Variants in CUBN observed in about 807,000 individuals in gnomAD.
CUBN encodes the protein cubilin.
Under a neutral mutation model 405.3 loss-of-function variants are expected in CUBN, and 282 were observed. The ratio of observed to expected loss-of-function variants is 0.70; its 90% CI spans 0.63 to 0.77. The LOEUF (loss-of-function observed/expected upper bound fraction) is 0.77. CUBN is among the 30% of genes least tolerant of loss of function. The probability of loss-of-function intolerance (pLI) is 0.00; values close to 1 mark genes in which losing one functional copy is unlikely to be tolerated. For synonymous variants in CUBN, 1,684 were observed against 1,617.0 expected (o/e 1.04, Z -0.99); for missense variants, 4,514 against 4,475.2 (o/e 1.01, Z -0.25).
Position 16,890,486 on chromosome 10 carries a change from G to A in CUBN, c.8640C>T (p.Ala2880=), listed in dbSNP as rs750157777. The change falls in exon 55 of 67, where the codon GCC becomes GCT. Residue 2880 remains alanine (A), a synonymous_variant. Coordinates refer to ENST00000377833, the MANE Select transcript of CUBN (RefSeq NM_001081.4). The part of the protein sequence containing the change: ...GTEEVDKALL[A]TGCGNVAPGP... Reference sequence around the variant, plus strand: ...CCGGAGCCACGTTCCCACAGCCAGTGGCTAGCAGGGCTTTGTCCACCTCCT... The same window carrying A: ...CCGGAGCCACGTTCCCACAGCCAGTAGCTAGCAGGGCTTTGTCCACCTCCT... 6.2e-7 allele frequency: 1 copy of A among 1,614,140 alleles called. No homozygotes were observed. The highest frequency in any genetic ancestry group is 8.5e-7 in the Non-Finnish European group (1 of 1,180,010).
chr10:17,024,187 A>G (rs1158975741), intron 27 of CUBN, among the ~76,000 whole-genome samples: 4 of 152,306 alleles, frequency 2.6e-5, no homozygotes, highest in Admixed American at 6.5e-5. Flanking sequence ...ACCCATAACA[A>G]AGGGGAGGAT....
chr10:16,996,233 A>G (rs997907279), intron 28 of CUBN, among the ~76,000 whole-genome samples: 2 of 152,246 alleles, frequency 1.3e-5, no homozygotes, highest in African/African-American at 4.8e-5. Flanking sequence ...ATCATTAGAC[A>G]TCAGCTGAAC....
chr10:16,941,796 C>G (rs1842658540), intron 36 of CUBN, among the ~76,000 whole-genome samples: 1 of 152,006 alleles, frequency 6.6e-6, no homozygotes, highest in African/African-American at 2.4e-5. Context: ...GAGGGGTGAT[C>G]GTGCCACTCA....
At chr10:16,898,845 A>G in intron 54 of CUBN, 151 bp downstream of exon 54, 1 of 678,418 alleles carries the variant, frequency 1.5e-6, no homozygotes, top group Non-Finnish European at 2.7e-6. Flanking sequence ...TCTAGCTCCT[A>G]ACAGTTGAGG....
chr10:16,912,446 A>G (rs1489405833), intron 48 of CUBN, among the ~76,000 whole-genome samples: 2 of 152,176 alleles, frequency 1.3e-5, no homozygotes, highest in Admixed American at 6.5e-5. Context: ...CTAGTGGGGG[A>G]AGCAGACAAT....
chr10:17,026,682 G>A (rs781406749), intron 27 of CUBN, among the ~76,000 whole-genome samples: 31 of 152,130 alleles, frequency 2.0e-4, no homozygotes, highest in Middle Eastern at 6.8e-3. Context: ...GAGATACAGC[G>A]CTTCCATTGT....
In CUBN at chr10:16,906,353, C is replaced by T. The variant is rs1318393416; in HGVS notation, c.7762G>A (p.Asp2588Asn). The T allele has an allele frequency of 1.9e-6, 3 of 1,614,116 alleles. No homozygotes were observed. The highest frequency in any genetic ancestry group is 2.5e-6 in the Non-Finnish European group (3 of 1,179,984). ...TTTCTTGAGTAATTCCTGACTCCGT[C>T]ATAGCCAGGAGAAGTAAAGTTTCCT... ...PEGNFTSPGY[D>N]GVRNYSRNLN... The change falls in exon 50 of 67, where the codon GAC (aspartate) becomes AAC (asparagine). Residue 2588 changes from aspartate to asparagine, a missense_variant. By Grantham distance (23) the Asp-to-Asn change is conservative (BLOSUM62 1). This residue lies in a region of CUBN where 1,613 missense variants were observed against 1,542.8 expected (regional missense o/e 1.05). Transcript: ENST00000377833.
intron 47 of CUBN, among the ~76,000 whole-genome samples, chr10:16,914,392 C>G (rs1841823406): frequency 6.6e-6 from 1 of 152,036 alleles, no homozygotes; most frequent in African/African-American, 2.4e-5. Flanking sequence ...AATCCCGTCT[C>G]TAATAAAAAT....
At chr10:16,961,555 A>C (rs1183483735) in intron 31 of CUBN, among the ~76,000 whole-genome samples, 1 of 152,156 alleles carries the variant, frequency 6.6e-6, no homozygotes, top group African/African-American at 2.4e-5. Context: ...AGTTCTAAAG[A>C]ACGGTAATGT....
At position 17,047,498 on chromosome 10, in the gene CUBN, G is replaced by T. The variant is rs779323180; in HGVS notation, c.3245C>A (p.Thr1082Asn). The change falls in exon 23 of 67, where the codon ACT becomes AAT. Residue 1082 changes from threonine (T) to asparagine (N), a missense_variant. Transcript: ENST00000377833. ...GAAGTGCACTGCAATCAGTTGGCCA[G>T]TTCTCACTGTGATCCGATAAATGCA... Reference protein sequence around the residue: ...WECIYRITVRTGQLIAVHFTN... With the variant: ...WECIYRITVRNGQLIAVHFTN... The T allele has an allele frequency of 6.2e-7, 1 of 1,613,914 alleles. No homozygotes were observed.
intron 34 of CUBN, among the ~76,000 whole-genome samples, chr10:16,948,818 T>C: frequency 6.6e-6 from 1 of 152,130 alleles, no homozygotes; most frequent in Non-Finnish European, 1.5e-5. Flanking sequence ...GGAGAGGTGA[T>C]TTATAAACAT....
intron 54 of CUBN, 28 bp from the exon 55 acceptor site, chr10:16,890,555 T>A (rs1468673488): frequency 6.2e-7 from 1 of 1,613,580 alleles, no homozygotes; most frequent in Non-Finnish European, 8.5e-7. Context: ...AGAACTTTAA[T>A]GCTCAAGGGT....
chr10:16,891,924 C>A (rs12098783), intron 54 of CUBN, among the ~76,000 whole-genome samples: 1 of 152,030 alleles, frequency 6.6e-6, no homozygotes, highest in African/African-American at 2.4e-5. Flanking sequence ...TATCAACAGA[C>A]AACTATCTCA....
intron 58 of CUBN, among the ~76,000 whole-genome samples, chr10:16,873,177 C>T (rs1343744284): frequency 6.6e-6 from 1 of 152,120 alleles, no homozygotes; most frequent in African/African-American, 2.4e-5. Flanking sequence ...CCTACATGAC[C>T]ATGAACAATA....
chr10:16,885,724 T>A (rs1366213784), intron 56 of CUBN, among the ~76,000 whole-genome samples: 1 of 152,194 alleles, frequency 6.6e-6, no homozygotes, highest in Non-Finnish European at 1.5e-5. Flanking sequence ...GGTATCAGCA[T>A]TGCTTTCTGT....
intron 6 of CUBN, among the ~76,000 whole-genome samples, chr10:17,116,905 A>T (rs79961061): frequency 0.067 from 10,162 of 152,174 alleles, 494 homozygotes; most frequent in South Asian, 0.24. Context: ...AAAATACAGC[A>T]TGCCCAAATA....
rs551655869 is a variant in CUBN, at chr10:16,995,961, C to T, written c.4169-5446G>A. Among the ~76,000 whole-genome samples, 12 of 152,274 alleles carry T rather than the reference C, an allele frequency of 7.9e-5. 1 individual carries two copies. The South Asian group carries it at 2.1e-3, about 26-fold the overall frequency. ...GTTCAAGAAAGCTGTGGAACATGCT[C>T]ATATCACTTAGTGAATGGCAGATGT... On this transcript the variant is annotated intron_variant, in intron 28 of 66. Coordinates refer to ENST00000377833, the MANE Select transcript of CUBN (RefSeq NM_001081.4).
chr10:17,063,645 G>A (rs1835550031), intron 22 of CUBN, among the ~76,000 whole-genome samples: 1 of 152,040 alleles, frequency 6.6e-6, no homozygotes, highest in Non-Finnish European at 1.5e-5. Context: ...TAACTGCTCT[G>A]GGTTCTTTCT....
At chr10:16,860,583 T>C (rs1193345617) in intron 59 of CUBN, among the ~76,000 whole-genome samples, 1 of 152,230 alleles carries the variant, frequency 6.6e-6, no homozygotes, top group African/African-American at 2.4e-5. Flanking sequence ...AGGCATCAAA[T>C]TCTCCAGACA....
Sources: gnomAD v4.1 joint callset for allele counts (sites outside exome capture counted in the v4.1 genomes callset) on GRCh38, gnomAD v4.1.1 for gene constraint, gnomAD v4.1.1 regional missense constraint, MANE v1.5 for transcripts, NCBI Gene and HGNC (gene_info 2026-07-23, HGNC 2026-07-21) for gene names.